Variants in TRPV2 observed in about 807,000 individuals in gnomAD.
TRPV2 encodes OTRPC2.
TRPV2 carries 58 observed loss-of-function variants against 91.0 expected under a neutral mutation model. The ratio of observed to expected loss-of-function variants is 0.64; its 90% confidence interval spans 0.52 to 0.79. The LOEUF is 0.79. Ranked by LOEUF, TRPV2 falls within the 30% of genes least tolerant of loss-of-function variation. The pLI, the probability that TRPV2 is intolerant of heterozygous loss-of-function variation, is 0.00. For synonymous variants in TRPV2, 417 were observed against 414.8 expected, an observed-to-expected ratio of 1.01 and a Z score of -0.06; for missense variants, 807 against 969.6, an observed-to-expected ratio of 0.83 and a Z score of 2.23.
rs192408615 is a variant in TRPV2 at position 16,417,678 on chromosome 17, C to T, written c.10C>T (p.Pro4Ser). The change falls in exon 2 of 15, where the codon CCC becomes TCC. Residue 4 changes from proline (P) to serine (S), a missense_variant. By Grantham distance (74) the Pro-to-Ser change is moderately conservative. Transcript: ENST00000338560. Reference sequence around the variant, plus strand: ...GCCTCCTCCTCCTAGGATGACCTCACCCTCCAGCTCTCCAGTTTTCAGGTT... The same window carrying T: ...GCCTCCTCCTCCTAGGATGACCTCATCCTCCAGCTCTCCAGTTTTCAGGTT... MTSPSSSPVFRLET... is the reference protein window; with the variant it reads MTSSSSSPVFRLET... 1.9e-6 allele frequency: 3 copies of T among 1,614,170 alleles called. No individual in the cohort carries two copies. The highest frequency in any genetic ancestry group is 2.7e-5 in the African/African-American group (2 of 75,062).
chr17:16,420,102 A>G lies in TRPV2; in HGVS notation c.201-13A>G, dbSNP rs11868289. ...TCTTCTCCAGCATGAGTCACAAACC[A>G]CATCCTCCACAGTCAGCCGGATCCA... On this transcript the variant is annotated splice_polypyrimidine_tract_variant and intron_variant, in intron 2 of 14. Coordinates refer to ENST00000338560, the MANE Select transcript of TRPV2 (RefSeq NM_016113.5). The G allele has an allele frequency of 0.018, 28,706 of 1,609,738 alleles. 1,654 individuals are homozygous for G. The African/African-American group carries it at 0.2, about 11-fold the overall frequency.
intron 13 of TRPV2, among the ~76,000 whole-genome samples, chr17:16,434,293 C>G (rs540986817): frequency 6.6e-6 from 1 of 152,072 alleles, no homozygotes; most frequent in East Asian, 1.9e-4. Context: ...ACAGTGAAAC[C>G]CCATCTCTAC....
chr17:16,433,816 A>ATTT (rs1338876096), intron 13 of TRPV2, 118 bp downstream of exon 13: 15 of 1,434,972 alleles, frequency 1.0e-5, no homozygotes, highest in African/African-American at 1.4e-5. Context: ...GCAGGCCCAA[A>ATTT]GAGCACCAGG....
At chr17:16,420,089 T>A in intron 2 of TRPV2, 26 bp from the exon 3 acceptor site, 1 of 1,603,972 alleles carries the variant, frequency 6.2e-7, no homozygotes. Flanking sequence ...TTCTCCAGCA[T>A]GAGTCACAAA....
Position 16,431,166 on chromosome 17 carries a change from C to T in TRPV2, c.1588-618C>T, listed in dbSNP as rs150644670. Among the ~76,000 whole-genome samples, 584 of 149,034 alleles carry T rather than the reference C, an allele frequency of 3.9e-3. 6 individuals are homozygous for T. Among genetic ancestry groups the T allele is most frequent in the African/African-American group, 0.013 (535 of 40,460 alleles). On this transcript the variant is annotated intron_variant, in intron 10 of 14. Transcript: ENST00000338560. The stretch of plus-strand genomic sequence containing the variant: ...TTCTGGGCTCAAGCAATCCTCCTGT[C>T]TCAGCCTCCTGAGTAGCTGGCACTG...
intron 2 of TRPV2, chr17:16,419,471 G>C (rs567904998): frequency 2.1e-6 from 1 of 468,304 alleles, no homozygotes; most frequent in East Asian, 7.0e-5. Flanking sequence ...GGGATTCAGA[G>C]TCAGGGTCTA....
intron 13 of TRPV2, among the ~76,000 whole-genome samples, chr17:16,434,259 G>A (rs1027652716): frequency 4.6e-5 from 7 of 152,100 alleles, no homozygotes; most frequent in Non-Finnish European, 8.8e-5. Context: ...ACGAGGTCAG[G>A]AGATCGAGAC....
At chr17:16,418,868 T>C (rs903188878) in intron 2 of TRPV2, among the ~76,000 whole-genome samples, 1 of 152,076 alleles carries the variant, frequency 6.6e-6, no homozygotes, top group Non-Finnish European at 1.5e-5. Flanking sequence ...ATGTGTGGCT[T>C]CCTGGTGCTG....
Position 16,422,906 on chromosome 17 carries a change from T to C in TRPV2, c.625+17T>C, listed in dbSNP as rs1353123650. ...TTTATTTCGGTGAGTGAGCCTTTCTTGGATAAATCGAGGCAAAGAGAGAGT... is the reference window on the plus strand; with the variant it reads ...TTTATTTCGGTGAGTGAGCCTTTCTCGGATAAATCGAGGCAAAGAGAGAGT... On this transcript the variant is annotated intron_variant, in intron 4 of 14. Transcript: ENST00000338560. 6.4e-7 allele frequency: 1 copy of C among 1,552,108 alleles called. No homozygotes were observed. Among genetic ancestry groups the C allele is most frequent in the Non-Finnish European group, 8.7e-7 (1 of 1,147,330 alleles).
chr17:16,419,210 T>G (rs1421049018), intron 2 of TRPV2: 2 of 407,784 alleles, frequency 4.9e-6, no homozygotes, highest in African/African-American at 4.2e-5. Flanking sequence ...CAGAGGCAAG[T>G]TGGCCCCTGT....
intron 13 of TRPV2, among the ~76,000 whole-genome samples, chr17:16,433,928 C>T (rs547601490): frequency 6.6e-6 from 1 of 152,320 alleles, no homozygotes; most frequent in African/African-American, 2.4e-5. Flanking sequence ...CTGAAGGTCC[C>T]CTCCTGGTGA....
chr17:16,429,961 T>C (rs1446758176), intron 10 of TRPV2, among the ~76,000 whole-genome samples: 1 of 151,620 alleles, frequency 6.6e-6, no homozygotes, highest in Non-Finnish European at 1.5e-5. Flanking sequence ...TACTCCTGGG[T>C]TCAAGCGATT....
intron 9 of TRPV2, 130 bp from the exon 10 acceptor site, chr17:16,428,687 A>G: frequency 1.0e-6 from 1 of 990,304 alleles, no homozygotes; most frequent in Non-Finnish European, 1.5e-6. Flanking sequence ...TTACAGTGGG[A>G]GGGAACTGAG....
At chr17:16,428,229 C>T (rs1374970675) in intron 8 of TRPV2, 88 bp from the exon 9 acceptor site, 5 of 1,252,592 alleles carry the variant, frequency 4.0e-6, no homozygotes, top group Non-Finnish European at 5.8e-6. Context: ...TAGCTCTAGC[C>T]TGGGTGGCAG....
chr17:16,428,649 G>A, intron 9 of TRPV2, 168 bp from the exon 10 acceptor site: 1 of 762,552 alleles, frequency 1.3e-6, no homozygotes, highest in Non-Finnish European at 2.1e-6. Context: ...CACTCTATGA[G>A]TCAGGCATCA....
chr17:16,417,731 T>C lies in TRPV2; in HGVS notation c.63T>C (p.Asp21=). The C allele has an allele frequency of 1.2e-6, 2 of 1,614,184 alleles. No homozygotes were observed. The highest frequency in any genetic ancestry group is 1.7e-6 in the Non-Finnish European group (2 of 1,180,022). ...RLETLDGGQE[D]GSEADRGKLD... ...AGACATTAGATGGAGGCCAAGAAGA[T>C]GGCTCTGAGGCGGACAGAGGAAAGC... The change falls in exon 2 of 15, where the codon GAT becomes GAC. Residue 21 remains aspartate, a synonymous_variant. Coordinates refer to ENST00000338560, the MANE Select transcript of TRPV2 (RefSeq NM_016113.5).
intron 10 of TRPV2, among the ~76,000 whole-genome samples, chr17:16,430,304 C>A (rs2093403699): frequency 6.6e-6 from 1 of 152,156 alleles, no homozygotes; most frequent in Non-Finnish European, 1.5e-5. Context: ...AAACAACTCC[C>A]CATTCCCTTC....
Position 16,426,169 on chromosome 17 carries a change from G to GAA in TRPV2, c.995_996insAA (p.Cys332Ter). Residue 332 changes from cysteine (C) to a stop codon, truncating the protein, a stop_gained and frameshift_variant, in exon 6 of 15, where the codon TGC (cysteine) becomes TGAAC (stop). Transcript: ENST00000338560. LOFTEE classifies it high-confidence loss of function. This position sits in a 1 kb window ranked among gnomAD's most constrained non-coding sequence, Gnocchi z 6.0. ...CTTTCCCGAAAGTTCACCGAGTGGT[G>GAA]CTATGGGCCTGTCCGGGTGTCGCTG... ...SHLSRKFTEWCYGPVRVSLYD... is the reference protein window; with the variant it reads ...SHLSRKFTEW 6.2e-7 allele frequency: 1 copy of GAA among 1,614,202 alleles called. No individual in the cohort carries two copies. The highest frequency in any genetic ancestry group is 8.5e-7 in the Non-Finnish European group (1 of 1,180,038).
rs1276492722 is a variant in TRPV2, at chr17:16,417,755, G to A, written c.87G>A (p.Lys29=). The part of the protein sequence containing the change: ...QEDGSEADRG[K]LDFGSGLPPM... ...ATGGCTCTGAGGCGGACAGAGGAAA[G>A]CTGGATTTTGGGAGCGGGCTGCCTC... Residue 29 remains lysine (K), a synonymous_variant, in exon 2 of 15, where the codon AAG becomes AAA. Coordinates refer to ENST00000338560, the MANE Select transcript of TRPV2 (RefSeq NM_016113.5). The A allele has an allele frequency of 6.2e-7, 1 of 1,614,132 alleles. No individual in the cohort carries two copies. Among genetic ancestry groups the A allele is most frequent in the East Asian group, 2.2e-5 (1 of 44,894 alleles).
Sources: gnomAD v4.1 joint callset for allele counts (sites outside exome capture counted in the v4.1 genomes callset) on GRCh38, gnomAD v4.1.1 for gene constraint, Gnocchi (gnomAD v3.1) non-coding constraint, MANE v1.5 for transcripts, NCBI Gene and HGNC (gene_info 2026-07-23, HGNC 2026-07-21) for gene names.